The following NECTIN1 variants were observed in gnomAD, a reference collection of about 807,000 sequenced individuals.
NECTIN1 encodes nectin cell adhesion molecule 1.
Under a neutral mutation model 48.0 loss-of-function variants are expected in NECTIN1, and 23 were observed. The ratio of observed to expected loss-of-function variants is 0.48; its 90% CI spans 0.34 to 0.68. The LOEUF (loss-of-function observed/expected upper bound fraction) is 0.68, where lower values mean the gene tolerates loss of function less well. NECTIN1 is among the 30% of genes least tolerant of loss of function. The probability of loss-of-function intolerance (pLI) is 0.01; values close to 1 mark genes in which losing one functional copy is unlikely to be tolerated. For missense variants in NECTIN1, 591 were observed against 709.9 expected, an observed-to-expected ratio of 0.83 and a Z score of 1.90; for synonymous variants, 270 against 288.9, an observed-to-expected ratio of 0.93 and a Z score of 0.66.
rs1433590018 is a variant in NECTIN1 at position 119,661,997 on chromosome 11, G to A, written c.*2750C>T. 4.1e-6 allele frequency: 4 copies of A among 985,308 alleles called. No individual in the cohort carries two copies. Among genetic ancestry groups the A allele is most frequent in the South Asian group, 4.7e-5 (1 of 21,270 alleles). The allele number at this position is 985,308 out of a possible 1,614,324, so 61.0% of individuals were successfully genotyped here. A position where few individuals can be genotyped will look rare whatever the true frequency, so the allele number is the denominator to read the frequency against. The stretch of plus-strand genomic sequence containing the variant: ...AGACCCTTCTGATAAAAGGGGACTC[G>A]GCTGGTTCTATTACACATTAGAACA... On this transcript the variant is annotated 3_prime_UTR_variant, in exon 6 of 6. Coordinates refer to ENST00000264025, the MANE Select transcript of NECTIN1 (RefSeq NM_002855.5).
chr11:119,680,409 G>A (rs1208311724), intron 1 of NECTIN1, among the ~76,000 whole-genome samples: 5 of 152,202 alleles, frequency 3.3e-5, no homozygotes, highest in African/African-American at 1.2e-4. Context: ...ACCCAAGGCA[G>A]GGGGAGGATC....
rs1055536877 is a variant in NECTIN1 at position 119,728,761 on chromosome 11, C to A, written c.-208G>T. ...CCGGGCCGCCGCCGGCTCAGAGGCTCGGCAGATGCCCGCCGCAAGTTGCAC... is the reference window on the plus strand; with the variant it reads ...CCGGGCCGCCGCCGGCTCAGAGGCTAGGCAGATGCCCGCCGCAAGTTGCAC... On this transcript the variant is annotated 5_prime_UTR_variant, in exon 1 of 6. Transcript: ENST00000264025. 2.2e-6 allele frequency: 1 copy of A among 445,942 alleles called. No individual in the cohort carries two copies. Among genetic ancestry groups the A allele is most frequent in the Admixed American group, 4.4e-5 (1 of 22,542 alleles). The allele number at this position is 445,942 out of a possible 1,614,324, so 27.6% of individuals were successfully genotyped here. A position where few individuals can be genotyped will look rare whatever the true frequency, so the allele number is the denominator to read the frequency against.
At chr11:119,693,438 G>A (rs185273179) in intron 1 of NECTIN1, among the ~76,000 whole-genome samples, 4 of 152,220 alleles carry the variant, frequency 2.6e-5, no homozygotes, top group Non-Finnish European at 4.4e-5. Flanking sequence ...CAACTACCCC[G>A]AGTGGGGAGT....
At chr11:119,712,259 C>G (rs1865662887) in intron 1 of NECTIN1, among the ~76,000 whole-genome samples, 1 of 152,160 alleles carries the variant, frequency 6.6e-6, no homozygotes, top group Non-Finnish European at 1.5e-5. Context: ...CCTTGGCTGT[C>G]CTGGTCACGT....
chr11:119,723,369 G>GTGAT (rs1026007849), intron 1 of NECTIN1, among the ~76,000 whole-genome samples: 3 of 152,182 alleles, frequency 2.0e-5, no homozygotes, highest in African/African-American at 7.2e-5. Flanking sequence ...CCAAGATGGA[G>GTGAT]TGATCATCAG....
intron 1 of NECTIN1, chr11:119,710,013 C>G (rs934090817): frequency 2.0e-5 from 3 of 152,198 alleles, no homozygotes; most frequent in Non-Finnish European, 4.4e-5. Context: ...GGTCACCGTT[C>G]TTGGAGGGGG....
chr11:119,677,957 C>T lies in NECTIN1; in HGVS notation c.431-100G>A. ...CATCCGTCAGGCCTTGTCTTCAGGT[C>T]CCCTTGGCCATCCCTGCCTCTCAGC... On this transcript the variant is annotated intron_variant, in intron 2 of 5. Transcript: ENST00000264025. The surrounding 1 kb of genome is among the most constrained non-coding windows in gnomAD (Gnocchi z 5.4). The T allele has an allele frequency of 2.4e-6, 3 of 1,226,436 alleles. No homozygotes were observed. Among genetic ancestry groups the T allele is most frequent in the Non-Finnish European group, 3.5e-6 (3 of 852,096 alleles). The allele number at this position is 1,226,436 out of a possible 1,614,324, so 76.0% of individuals were successfully genotyped here. A position where few individuals can be genotyped will look rare whatever the true frequency, so the allele number is the denominator to read the frequency against.
chr11:119,718,009 C>T (rs1281035556), intron 1 of NECTIN1, among the ~76,000 whole-genome samples: 3 of 152,218 alleles, frequency 2.0e-5, no homozygotes, highest in South Asian at 2.1e-4. Flanking sequence ...TCTAGAACAG[C>T]GGAGGGTCTA....
At chr11:119,644,293 C>T (rs1046194559) in intron 5 of NECTIN1, among the ~76,000 whole-genome samples, 2 of 152,196 alleles carry the variant, frequency 1.3e-5, no homozygotes, top group Non-Finnish European at 2.9e-5. Context: ...CTTCTCTGCT[C>T]TTCCAGGAAC....
chr11:119,700,569 C>T (rs1865433982), intron 1 of NECTIN1, among the ~76,000 whole-genome samples: 1 of 152,094 alleles, frequency 6.6e-6, no homozygotes, highest in African/African-American at 2.4e-5. Flanking sequence ...GTGTGGAAGG[C>T]AACAAGCTCT....
downstream of NECTIN1, among the ~76,000 whole-genome samples, chr11:119,659,781 T>A (rs143225380): frequency 1.8e-3 from 267 of 152,376 alleles, no homozygotes; most frequent in African/African-American, 6.0e-3. Flanking sequence ...CGGAACGCTC[T>A]AGTTAAATGC....
intron 1 of NECTIN1, among the ~76,000 whole-genome samples, chr11:119,680,852 C>T (rs1014334709): frequency 3.3e-5 from 5 of 152,218 alleles, no homozygotes; most frequent in Non-Finnish European, 5.9e-5. Context: ...GCTCCCTGGG[C>T]AGAGGCCCCA....
chr11:119,692,580 A>C (rs973320899), intron 1 of NECTIN1, among the ~76,000 whole-genome samples: 5 of 152,274 alleles, frequency 3.3e-5, no homozygotes, highest in African/African-American at 1.2e-4. Context: ...CAAAAGGGTC[A>C]GGTTCCCTGC....
intron 5 of NECTIN1, among the ~76,000 whole-genome samples, chr11:119,671,503 G>A (rs1023954370): frequency 4.6e-5 from 7 of 152,164 alleles, no homozygotes; most frequent in Admixed American, 4.6e-4. Context: ...GCTTTGGATA[G>A]ATCTGAGGTG....
chr11:119,657,064 G>T (rs1005296383), downstream of NECTIN1, among the ~76,000 whole-genome samples: 1 of 152,202 alleles, frequency 6.6e-6, no homozygotes, highest in Non-Finnish European at 1.5e-5. Context: ...GACCTCCATT[G>T]CAGTCACTGT....
chr11:119,705,979 G>A (rs907300961), intron 1 of NECTIN1, among the ~76,000 whole-genome samples: 6 of 152,310 alleles, frequency 3.9e-5, no homozygotes, highest in African/African-American at 1.4e-4. Flanking sequence ...GGGCAGGGGT[G>A]AAGAAGAAGC....
Position 119,665,241 on chromosome 11 carries a change from T to G in NECTIN1, c.1060A>C (p.Thr354Pro). The G allele has an allele frequency of 6.2e-7, 1 of 1,600,714 alleles. No individual in the cohort carries two copies. The highest frequency in any genetic ancestry group is 1.1e-5 in the South Asian group (1 of 90,982). ...CCCGCCACGCCCCCAATGATGGCCG[T>G]GGGCACCGGCCCGGCGCGCCGCCCA... ...EHGRRAGPVP[T>P]AIIGGVAGSI... Residue 354 changes from threonine (T) to proline (P), a missense_variant, in exon 6 of 6, where the codon ACG becomes CCG. Coordinates refer to ENST00000264025, the MANE Select transcript of NECTIN1 (RefSeq NM_002855.5). The surrounding 1 kb of genome is among the most constrained non-coding windows in gnomAD (Gnocchi z 5.1).
intron 5 of NECTIN1, among the ~76,000 whole-genome samples, chr11:119,670,628 T>A (rs1230106122): frequency 6.7e-6 from 1 of 148,920 alleles, no homozygotes; most frequent in Non-Finnish European, 1.5e-5. Context: ...TTCTATTTAA[T>A]TCTTTTTCCT....
Position 119,661,729 on chromosome 11 carries a change from C to T in NECTIN1, c.*3018G>A. The T allele has an allele frequency of 3.0e-6, 3 of 985,818 alleles. No individual in the cohort carries two copies. The highest frequency in any genetic ancestry group is 3.6e-6 in the Non-Finnish European group (3 of 829,946). 61.1% of individuals were successfully genotyped at this position (985,818 alleles called of 1,614,324 possible). A position where few individuals can be genotyped will look rare whatever the true frequency, so the allele number is the denominator to read the frequency against. Reference sequence around the variant, plus strand: ...ACAGGGCCCCTATAAGGCTCTCTTGCAGCCCGGGCACTGGGAAATTCGTTT... The same window carrying T: ...ACAGGGCCCCTATAAGGCTCTCTTGTAGCCCGGGCACTGGGAAATTCGTTT... On this transcript the variant is annotated 3_prime_UTR_variant, in exon 6 of 6. Transcript: ENST00000264025.
Sources: allele counts gnomAD v4.1 joint callset (sites outside exome capture counted in the v4.1 genomes callset), GRCh38; gene constraint gnomAD v4.1.1; non-coding constraint Gnocchi (gnomAD v3.1); transcripts MANE v1.5; gene names NCBI Gene and HGNC (gene_info 2026-07-23, HGNC 2026-07-21).